The following SIL1 variants were observed in gnomAD, a reference collection of about 807,000 sequenced individuals.
SIL1 encodes the protein SIL1 nucleotide exchange factor.
Under a neutral mutation model 49.1 loss-of-function variants are expected in SIL1, and 40 were observed. That is an observed-to-expected ratio of 0.81 (90% CI 0.63 to 1.06). The LOEUF is 1.06. Among genes scored for constraint, SIL1 ranks in the 50% least tolerant of loss-of-function variants. The pLI is 0.00. For synonymous variants in SIL1, 253 were observed against 250.8 expected (o/e 1.01, Z -0.08); for missense variants, 500 against 572.6 (o/e 0.87, Z 1.29).
intron 7 of SIL1, among the ~76,000 whole-genome samples, chr5:138,983,368 C>A (rs192677744): frequency 6.6e-6 from 1 of 151,512 alleles, no homozygotes; most frequent in Non-Finnish European, 1.5e-5. Context: ...ATTAGCCAGG[C>A]GTGGTGGCAG....
chr5:138,947,258 G>A lies in SIL1; in HGVS notation c.1245C>T (p.Asp415=). 9 of 1,613,556 alleles carry A rather than the reference G, an allele frequency of 5.6e-6. No individual in the cohort carries two copies. Among genetic ancestry groups the A allele is most frequent in the Non-Finnish European group, 7.6e-6 (9 of 1,179,998 alleles). Residue 415 remains aspartate, a synonymous_variant, in exon 10 of 10, where the codon GAC becomes GAT. Transcript: ENST00000394817. This position sits in a 1 kb window ranked among gnomAD's most constrained non-coding sequence, Gnocchi z 4.1. ...TGGCCAGTGTCCTGCCGAGCTGGGG[G>A]TCCTGACGGTAGCGGTCCCGGCAGG... ...LTTCRDRYRQ[D]PQLGRTLASL... is the part of the protein sequence containing the mutation.
chr5:139,084,113 G>A (rs1388018175), intron 3 of SIL1, among the ~76,000 whole-genome samples: 2 of 151,200 alleles, frequency 1.3e-5, no homozygotes, highest in Non-Finnish European at 1.5e-5. Context: ...GTCAGGTAGT[G>A]TGATGCCTCC....
At chr5:139,174,462 C>T (rs1266653131) in intron 1 of SIL1, among the ~76,000 whole-genome samples, 1 of 151,924 alleles carries the variant, frequency 6.6e-6, no homozygotes, top group African/African-American at 2.4e-5. Context: ...GCCTGGGCAA[C>T]AGGGTGAGAC....
intron 2 of SIL1, among the ~76,000 whole-genome samples, chr5:139,125,728 A>G (rs1750738638): frequency 6.6e-6 from 1 of 152,204 alleles, no homozygotes; most frequent in Admixed American, 6.5e-5. Flanking sequence ...AAATTGCCAA[A>G]GTGGGAGGCA....
At chr5:139,110,716 G>A (rs1770821714) in intron 3 of SIL1, among the ~76,000 whole-genome samples, 1 of 152,210 alleles carries the variant, frequency 6.6e-6, no homozygotes, top group African/African-American at 2.4e-5. Flanking sequence ...AGTGGCTAGT[G>A]GGGTGCCACC....
chr5:139,175,700 C>T (rs796348333), intron 1 of SIL1, among the ~76,000 whole-genome samples: 3 of 152,196 alleles, frequency 2.0e-5, no homozygotes, highest in Non-Finnish European at 4.4e-5. Context: ...CGGTGGCTCA[C>T]GCCTGTAATC....
intron 1 of SIL1, among the ~76,000 whole-genome samples, chr5:139,175,086 C>T (rs1216409358): frequency 1.3e-5 from 2 of 152,016 alleles, no homozygotes; most frequent in Non-Finnish European, 2.9e-5. Flanking sequence ...CTTTGGGAGG[C>T]CAAGGCAGGT....
intron 3 of SIL1, among the ~76,000 whole-genome samples, chr5:139,117,045 A>C (rs1771005614): frequency 6.6e-6 from 1 of 152,236 alleles, no homozygotes; most frequent in Admixed American, 6.5e-5. Context: ...GAACTGCCCC[A>C]CACAGATCTC....
Position 138,946,913 on chromosome 5 carries a change from C to T in SIL1, c.*204G>A. 1 of 612,776 alleles carries T rather than the reference C, an allele frequency of 1.6e-6. No homozygotes were observed. Among genetic ancestry groups the T allele is most frequent in the East Asian group, 2.8e-5 (1 of 35,478 alleles). 38.0% of individuals were successfully genotyped at this position (612,776 alleles called of 1,614,324 possible). On this transcript the variant is annotated 3_prime_UTR_variant, in exon 10 of 10. Transcript: ENST00000394817. ...CTGAGCCCTGCACGTCAGCAGAGCC[C>T]ATCACCCAACCACTCACCTGACCCC...
At chr5:139,157,990 T>C (rs1401766423) in intron 1 of SIL1, among the ~76,000 whole-genome samples, 1 of 152,204 alleles carries the variant, frequency 6.6e-6, no homozygotes, top group Non-Finnish European at 1.5e-5. Flanking sequence ...GTCAAGAAGG[T>C]TCAATCTGAT....
At chr5:139,004,203 G>C (rs1768058366) in intron 7 of SIL1, among the ~76,000 whole-genome samples, 1 of 152,088 alleles carries the variant, frequency 6.6e-6, no homozygotes, top group African/African-American at 2.4e-5. Context: ...GTCTTGTTAT[G>C]TTTCCCAGGC....
At chr5:139,187,602 G>C (rs1752098176) in intron 1 of SIL1, 1 of 152,166 alleles carries the variant, frequency 6.6e-6, no homozygotes, top group South Asian at 2.1e-4. Flanking sequence ...AGCATACTCA[G>C]AGGACCACGT....
chr5:139,035,648 T>C (rs1275934812), intron 5 of SIL1: 1 of 253,980 alleles, frequency 3.9e-6, no homozygotes. Flanking sequence ...ACAACTTTTT[T>C]TTTTTTTTTT....
chr5:138,982,763 A>C (rs894518778), intron 7 of SIL1, among the ~76,000 whole-genome samples: 5 of 152,202 alleles, frequency 3.3e-5, no homozygotes, highest in Non-Finnish European at 5.9e-5. Context: ...TCAGATGTTT[A>C]GCAAAGTTAA....
At chr5:138,983,638 G>A (rs1473243256) in intron 7 of SIL1, among the ~76,000 whole-genome samples, 1 of 152,028 alleles carries the variant, frequency 6.6e-6, no homozygotes, top group Non-Finnish European at 1.5e-5. Flanking sequence ...TGTGTCCAAG[G>A]AGATTCCCGT....
intron 7 of SIL1, among the ~76,000 whole-genome samples, chr5:138,991,722 G>A (rs1767765084): frequency 1.3e-5 from 2 of 152,200 alleles, no homozygotes; most frequent in Non-Finnish European, 2.9e-5. Flanking sequence ...GAGCTGCTGG[G>A]AGAGAATACA....
chr5:139,171,105 C>T (rs1243320366), intron 1 of SIL1, among the ~76,000 whole-genome samples: 12 of 151,278 alleles, frequency 7.9e-5, no homozygotes, highest in East Asian at 2.0e-4. Context: ...CCCGGCCAGC[C>T]GCCCCGTCCG....
At chr5:138,986,433 T>C (rs1767650921) in intron 7 of SIL1, among the ~76,000 whole-genome samples, 1 of 152,226 alleles carries the variant, frequency 6.6e-6, no homozygotes, top group Non-Finnish European at 1.5e-5. Context: ...TGTAATCTAG[T>C]TCTAATCTTG....
intron 5 of SIL1, among the ~76,000 whole-genome samples, chr5:139,030,371 G>A (rs184624962): frequency 6.6e-6 from 1 of 152,012 alleles, no homozygotes; most frequent in East Asian, 1.9e-4. Flanking sequence ...CTGTAACTTG[G>A]GAGGCTGGGG....
Sources: allele counts gnomAD v4.1 joint callset (sites outside exome capture counted in the v4.1 genomes callset), GRCh38; gene constraint gnomAD v4.1.1; non-coding constraint Gnocchi (gnomAD v3.1); transcripts MANE v1.5; gene names NCBI Gene and HGNC (gene_info 2026-07-23, HGNC 2026-07-21).